Variants in LIPE observed in about 807,000 individuals in gnomAD.
LIPE encodes lipase E, hormone sensitive type, also known as hormone-sensitive lipase.
Under a neutral mutation model 88.5 loss-of-function variants are expected in LIPE, and 66 were observed. The observed-to-expected ratio is 0.75, with a 90% CI of 0.61 to 0.91. The LOEUF is 0.91. LIPE is among the 40% of genes least tolerant of loss of function. LIPE has a pLI of 0.00. For missense variants in LIPE, 1,346 were observed against 1,434.7 expected (o/e 0.94, Z 1.00); for synonymous variants, 570 against 617.5 (o/e 0.92, Z 1.14).
rs556207551 is a variant in LIPE, at chr19:42,408,137, G to A, written c.1511-16C>T. 494 of 1,613,976 alleles carry A rather than the reference G, an allele frequency of 3.1e-4. 8 individuals are homozygous for A. In the South Asian group the frequency reaches 5.1e-3, roughly 17 times the overall value. ...GCGGCCACACCTAGGGGTCAGAAGG[G>A]GTGTCAGGGAGCCCCAGTGGGTCAG... On this transcript the variant is annotated splice_polypyrimidine_tract_variant and intron_variant, in intron 3 of 9. Transcript: ENST00000244289. The surrounding 1 kb of genome is among the most constrained non-coding windows in gnomAD (Gnocchi z 4.3).
chr19:42,408,097 G>A lies in LIPE; in HGVS notation c.1535C>T (p.Thr512Ile), dbSNP rs758328549. The change falls in exon 4 of 10, where the codon ACC becomes ATC. Residue 512 changes from threonine (T) to isoleucine (I), a missense_variant. By Grantham distance (89) the Thr-to-Ile change is moderately conservative. Coordinates refer to ENST00000244289, the MANE Select transcript of LIPE (RefSeq NM_005357.4). The surrounding 1 kb of genome is among the most constrained non-coding windows in gnomAD (Gnocchi z 4.3). ...GLSVAASSLFTSGRFAIDPEL... is the reference protein window; with the variant it reads ...GLSVAASSLFISGRFAIDPEL... ...GGGGTCGATGGCAAAGCGGCCGCTGGTGAAGAGAGAGCTGGCGGCCACACC... is the reference window on the plus strand; with the variant it reads ...GGGGTCGATGGCAAAGCGGCCGCTGATGAAGAGAGAGCTGGCGGCCACACC... The A allele has an allele frequency of 6.2e-7, 1 of 1,613,972 alleles. No individual in the cohort carries two copies.
In LIPE at chr19:42,426,248, C is replaced by T. The variant is rs776820298; in HGVS notation, c.883+19G>A. 1.3e-6 allele frequency: 2 copies of T among 1,579,904 alleles called. No homozygotes were observed. The highest frequency in any genetic ancestry group is 1.1e-5 in the South Asian group (1 of 88,764). On this transcript the variant is annotated intron_variant, in intron 1 of 9. Coordinates refer to ENST00000244289, the MANE Select transcript of LIPE (RefSeq NM_005357.4). ...TGACTGTCCCTGAGAGGCTTCAATTCCTCCAGATTCACACTCACCTGTATC... is the reference window on the plus strand; with the variant it reads ...TGACTGTCCCTGAGAGGCTTCAATTTCTCCAGATTCACACTCACCTGTATC...
At chr19:42,402,227 TG>T in intron 9 of LIPE, 152 bp from the exon 10 acceptor site, 1 of 718,264 alleles carries the variant, frequency 1.4e-6, no homozygotes, top group Non-Finnish European at 2.1e-6. Context: ...GGTGAGGAGT[TG>T]GGGAGAGAAT....
At chr19:42,405,060 G>T (rs972275405) in intron 8 of LIPE, among the ~76,000 whole-genome samples, 2 of 151,940 alleles carry the variant, frequency 1.3e-5, no homozygotes, top group South Asian at 4.2e-4. Flanking sequence ...TAGAGAAGGG[G>T]TTTTGCCATA....
chr19:42,414,115 A>G lies in LIPE; in HGVS notation c.884-3273T>C, dbSNP rs1394112958. 2.6e-4 allele frequency among the ~76,000 whole-genome samples: 39 copies of G among 152,272 alleles called. No individual in the cohort carries two copies. The highest frequency in any genetic ancestry group is 2.9e-5 in the Non-Finnish European group (2 of 68,016). On this transcript the variant is annotated intron_variant, in intron 1 of 9. Transcript: ENST00000244289. This position sits in a 1 kb window ranked among gnomAD's most constrained non-coding sequence, Gnocchi z 4.6. ...AACATGCTGAAACCCCGTCTCTACT[A>G]AAAATACAAAAATTAGCGGTATGGT...
chr19:42,424,201 GA>G lies in LIPE; in HGVS notation c.883+2065del, dbSNP rs2040662022. On this transcript the variant is annotated intron_variant, in intron 1 of 9. Transcript: ENST00000244289. Reference sequence around the variant, plus strand: ...CCCCCTAATCCATGCTCCCGATAATGAGGGTGGGGGATGGTGGTAGGAGAAC... The same window carrying G: ...CCCCCTAATCCATGCTCCCGATAATGGGGTGGGGGATGGTGGTAGGAGAAC... The G allele has an allele frequency of 3.5e-5, 33 of 931,748 alleles. 1 individual carries two copies. In the South Asian group the frequency reaches 4.5e-4, roughly 13 times the overall value. The allele number at this position is 931,748 out of a possible 1,614,324, so 57.7% of individuals were successfully genotyped here. A position where few individuals can be genotyped will look rare whatever the true frequency, so the allele number is the denominator to read the frequency against.
At chr19:42,412,564 C>G (rs559968735) in intron 1 of LIPE, 6 of 986,546 alleles carry the variant, frequency 6.1e-6, no homozygotes, top group Admixed American at 6.1e-5. Context: ...TGCTCTGCCC[C>G]CCACCTGCTC....
chr19:42,410,853 G>T lies in LIPE; in HGVS notation c.884-11C>A. On this transcript the variant is annotated splice_polypyrimidine_tract_variant and intron_variant, in intron 1 of 9. Coordinates refer to ENST00000244289, the MANE Select transcript of LIPE (RefSeq NM_005357.4). The surrounding 1 kb of genome is among the most constrained non-coding windows in gnomAD (Gnocchi z 6.1). ...GGATGAGCCTTGAGGCTGTGGGCAG[G>T]TGGGGAGGCCTGTTAGGTGGGGCTG... 1 of 1,537,032 alleles carries T rather than the reference G, an allele frequency of 6.5e-7. No homozygotes were observed.
At chr19:42,425,458 A>T (rs2040690272) in intron 1 of LIPE, among the ~76,000 whole-genome samples, 1 of 152,092 alleles carries the variant, frequency 6.6e-6, no homozygotes, top group African/African-American at 2.4e-5. Flanking sequence ...TCCTAACTGC[A>T]TGGCCCTGTG....
Position 42,408,564 on chromosome 19 carries a change from G to GTA in LIPE, c.1420-243_1420-242insTA. ...CATGACAAGGAATGACGAATGGTTTGGAAAAAAAAAAAGGCAGTAGGTGGA... is the reference window on the plus strand; with the variant it reads ...CATGACAAGGAATGACGAATGGTTTGTAGAAAAAAAAAAAGGCAGTAGGTGGA... On this transcript the variant is annotated intron_variant, in intron 2 of 9. Transcript: ENST00000244289. This position sits in a 1 kb window ranked among gnomAD's most constrained non-coding sequence, Gnocchi z 4.3. 2.0e-6 allele frequency: 1 copy of GTA among 498,600 alleles called. No homozygotes were observed. Among genetic ancestry groups the GTA allele is most frequent in the Non-Finnish European group, 3.6e-6 (1 of 275,786 alleles). The allele number at this position is 498,600 out of a possible 1,614,324, so 30.9% of individuals were successfully genotyped here. A position where few individuals can be genotyped will look rare whatever the true frequency, so the allele number is the denominator to read the frequency against.
intron 1 of LIPE, among the ~76,000 whole-genome samples, chr19:42,420,173 G>A (rs1568611664): frequency 6.6e-6 from 1 of 152,074 alleles, no homozygotes; most frequent in Non-Finnish European, 1.5e-5. Flanking sequence ...ATAACCCCCG[G>A]GGTCACACGG....
chr19:42,423,572 A>G, intron 1 of LIPE: 1 of 1,223,158 alleles, frequency 8.2e-7, no homozygotes, highest in Non-Finnish European at 1.0e-6. Context: ...GGCCAATTCC[A>G]GCCGCGAGGC....
At chr19:42,423,502 G>T (rs766366682) in intron 1 of LIPE, 1 of 1,278,420 alleles carries the variant, frequency 7.8e-7, no homozygotes, top group South Asian at 1.3e-5. Context: ...GGCCATAGCG[G>T]CCTCGGCGGG....
chr19:42,408,329 A>G lies in LIPE; in HGVS notation c.1420-7T>C. The G allele has an allele frequency of 6.2e-7, 1 of 1,612,918 alleles. No individual in the cohort carries two copies. On this transcript the variant is annotated splice_region_variant and splice_polypyrimidine_tract_variant and intron_variant, in intron 2 of 9. Coordinates refer to ENST00000244289, the MANE Select transcript of LIPE (RefSeq NM_005357.4). The surrounding 1 kb of genome is among the most constrained non-coding windows in gnomAD (Gnocchi z 4.3). ...GCCGGATGGCAGGCGTGAACTGTGGAGAGACGCGGCTGCGTCACCCACCGC... is the reference window on the plus strand; with the variant it reads ...GCCGGATGGCAGGCGTGAACTGTGGGGAGACGCGGCTGCGTCACCCACCGC...
In LIPE at chr19:42,410,416, C is replaced by T. The variant is rs200843831; in HGVS notation, c.1310G>A (p.Arg437Gln). 113 of 1,614,210 alleles carry T rather than the reference C, an allele frequency of 7.0e-5. No homozygotes were observed. In the East Asian group the frequency reaches 2.3e-3, roughly 32 times the overall value. ...YYAQRLLVTN[R>Q]PGVLFFEGDE... ...GCCCTCAAAGAAGAGTACCCCCGGC[C>T]GATTGGTAACCAGCAGGCGCTGGGC... Residue 437 changes from arginine to glutamine, a missense_variant, in exon 2 of 10, where the codon CGG (arginine) becomes CAG (glutamine). Arg to Gln is a conservative substitution (Grantham distance 43). Coordinates refer to ENST00000244289, the MANE Select transcript of LIPE (RefSeq NM_005357.4). The surrounding 1 kb of genome is among the most constrained non-coding windows in gnomAD (Gnocchi z 6.1).
chr19:42,423,431 C>T (rs1009723763), intron 1 of LIPE: 7 of 1,289,464 alleles, frequency 5.4e-6, no homozygotes, highest in Non-Finnish European at 7.1e-6. Context: ...TTGGCCTTGT[C>T]TTTTCGCCAC....
intron 1 of LIPE, chr19:42,424,419 A>C (rs759318575): frequency 5.5e-5 from 25 of 456,084 alleles, no homozygotes; most frequent in South Asian, 3.4e-4. Flanking sequence ...CTGAAAGGCA[A>C]CCTCGCCCGC....
intron 1 of LIPE, among the ~76,000 whole-genome samples, chr19:42,417,681 A>C (rs988214811): frequency 6.6e-6 from 1 of 152,146 alleles, no homozygotes; most frequent in Non-Finnish European, 1.5e-5. Flanking sequence ...CACCATGCCC[A>C]GCTCTAAGTC....
At chr19:42,413,482 G>A (rs1242556721) in intron 1 of LIPE, among the ~76,000 whole-genome samples, 1 of 152,178 alleles carries the variant, frequency 6.6e-6, no homozygotes, top group African/African-American at 2.4e-5. Context: ...TGGCTAACAC[G>A]GTGAAACCCC....
Sources: allele counts gnomAD v4.1 joint callset (sites outside exome capture counted in the v4.1 genomes callset), GRCh38; gene constraint gnomAD v4.1.1; non-coding constraint Gnocchi (gnomAD v3.1); transcripts MANE v1.5; gene names NCBI Gene and HGNC (gene_info 2026-07-23, HGNC 2026-07-21).